Variants in DOCK11 observed in about 807,000 individuals in gnomAD.
DOCK11 encodes the protein dedicator of cytokinesis protein 11.
DOCK11 carries 70 observed loss-of-function variants against 169.1 expected under a neutral mutation model. The observed-to-expected ratio is 0.41, with a 90% CI of 0.34 to 0.51. The LOEUF is 0.51. DOCK11 is among the 20% of genes least tolerant of loss of function. The pLI is 0.10. For synonymous variants in DOCK11, 529 were observed against 541.3 expected (o/e 0.98, Z 0.32); for missense variants, 1,166 against 1,538.8 (o/e 0.76, Z 4.05).
At chrX:118,639,164 A>G (rs993884300) in intron 37 of DOCK11, among the ~76,000 whole-genome samples, 7 of 111,739 alleles carry the variant, frequency 6.3e-5, no homozygotes, top group African/African-American at 2.3e-4. Flanking sequence ...CTGTGAAAAG[A>G]TTAAATCTTA....
intron 14 of DOCK11, among the ~76,000 whole-genome samples, chrX:118,582,449 G>A (rs977959202): frequency 9.0e-6 from 1 of 111,368 alleles, no homozygotes; most frequent in African/African-American, 3.3e-5. Context: ...AGTCTTCAAA[G>A]TTAGAAGCTT....
intron 44 of DOCK11, 149 bp downstream of exon 44, chrX:118,655,110 T>C (rs954221173): frequency 5.7e-6 from 3 of 529,795 alleles, no homozygotes; most frequent in Non-Finnish European, 9.0e-6. Flanking sequence ...TAAGCTGTTA[T>C]AAAAGAAGAC....
intron 31 of DOCK11, among the ~76,000 whole-genome samples, chrX:118,619,607 T>C (rs2014918759): frequency 9.2e-6 from 1 of 109,121 alleles, no homozygotes; most frequent in African/African-American, 3.3e-5. Context: ...TTAAAAAATT[T>C]ATTCTGTGAA....
At chrX:118,636,858 C>T (rs966297505) in intron 36 of DOCK11, among the ~76,000 whole-genome samples, 5 of 111,765 alleles carry the variant, frequency 4.5e-5, no homozygotes, top group Non-Finnish European at 9.4e-5. Context: ...CACACACACA[C>T]ACACACGTGT....
intron 35 of DOCK11, among the ~76,000 whole-genome samples, chrX:118,635,003 C>T (rs1244660673): frequency 8.9e-6 from 1 of 112,254 alleles, no homozygotes; most frequent in Non-Finnish European, 1.9e-5. Context: ...GGATTACAGG[C>T]GTGACCCACT....
chrX:118,507,317 G>A (rs2057620094), intron 1 of DOCK11, among the ~76,000 whole-genome samples: 1 of 111,540 alleles, frequency 9.0e-6, no homozygotes, highest in Non-Finnish European at 1.9e-5. Flanking sequence ...ATCTTTATTT[G>A]AAGTGTTTCA....
At chrX:118,506,180 AG>A (rs2057610321) in intron 1 of DOCK11, among the ~76,000 whole-genome samples, 1 of 109,011 alleles carries the variant, frequency 9.2e-6, no homozygotes, top group Non-Finnish European at 1.9e-5. Flanking sequence ...CCTTGAGCCC[AG>A]GAGTTCGAGG....
intron 1 of DOCK11, among the ~76,000 whole-genome samples, chrX:118,525,822 G>C (rs867655271): frequency 6.7e-5 from 6 of 89,649 alleles, no homozygotes; most frequent in Admixed American, 1.4e-4. Flanking sequence ...AAACAGAAAA[G>C]GAAAAAAAAA....
chrX:118,655,043 T>G (rs1359428732), intron 44 of DOCK11, 82 bp downstream of exon 44: 1 of 922,148 alleles, frequency 1.1e-6, no homozygotes, highest in African/African-American at 2.0e-5. Flanking sequence ...GCTATGAATA[T>G]GATATAATAG....
At chrX:118,643,354 A>G in intron 39 of DOCK11, 103 bp from the exon 40 acceptor site, 1 of 861,432 alleles carries the variant, frequency 1.2e-6, no homozygotes, top group Non-Finnish European at 1.6e-6. Context: ...AGAGCCTTTT[A>G]TTTTCCTGAA....
chrX:118,645,019 A>G (rs946256387), intron 40 of DOCK11, among the ~76,000 whole-genome samples: 3 of 112,142 alleles, frequency 2.7e-5, no homozygotes, highest in African/African-American at 9.7e-5. Flanking sequence ...GAAGGATCAA[A>G]GGCAGATGAG....
At chrX:118,528,067 T>C (rs2011417547) in intron 1 of DOCK11, among the ~76,000 whole-genome samples, 1 of 112,828 alleles carries the variant, frequency 8.9e-6, no homozygotes, top group South Asian at 3.6e-4. Context: ...CATCGGACTA[T>C]GCAAATTGAT....
At chrX:118,647,767 A>T (rs1188314591) in intron 40 of DOCK11, among the ~76,000 whole-genome samples, 2 of 40,715 alleles carry the variant, frequency 4.9e-5, no homozygotes, top group African/African-American at 2.7e-4. Flanking sequence ...ATAATATATT[A>T]TAATATATAA....
intron 6 of DOCK11, among the ~76,000 whole-genome samples, chrX:118,555,975 A>G (rs1465139486): frequency 9.0e-6 from 1 of 111,409 alleles, no homozygotes; most frequent in Admixed American, 9.5e-5. Flanking sequence ...CCCTCTAGGT[A>G]ACACACAATA....
chrX:118,610,997 C>T (rs1398923610), intron 28 of DOCK11, among the ~76,000 whole-genome samples: 1 of 111,568 alleles, frequency 9.0e-6, no homozygotes, highest in Non-Finnish European at 1.9e-5. Context: ...CGAAATCACA[C>T]CACTGCACTC....
chrX:118,601,018 G>T (rs1393769372), intron 23 of DOCK11, among the ~76,000 whole-genome samples: 2 of 111,484 alleles, frequency 1.8e-5, no homozygotes, highest in African/African-American at 6.5e-5. Flanking sequence ...ATGTGACTTT[G>T]GTTTTTAAAG....
At chrX:118,608,403 CTT>C in intron 26 of DOCK11, 47 bp downstream of exon 26, 2 of 1,135,467 alleles carry the variant, frequency 1.8e-6, no homozygotes, top group Non-Finnish European at 2.3e-6. Context: ...CATAGACACA[CTT>C]TTTTTGATAC....
chrX:118,639,648 G>A, intron 38 of DOCK11, 71 bp downstream of exon 38: 1 of 1,060,006 alleles, frequency 9.4e-7, no homozygotes, highest in Non-Finnish European at 1.3e-6. Flanking sequence ...AAAAACTGAA[G>A]GTGATGGATA....
intron 16 of DOCK11, among the ~76,000 whole-genome samples, chrX:118,587,725 T>C (rs1264377289): frequency 8.9e-6 from 1 of 112,097 alleles, no homozygotes; most frequent in African/African-American, 3.2e-5. Flanking sequence ...AAAAAGTGAC[T>C]TGCCATGAAC....
Sources: gnomAD v4.1 joint callset for allele counts (sites outside exome capture counted in the v4.1 genomes callset) on GRCh38, gnomAD v4.1.1 for gene constraint, MANE v1.5 for transcripts, NCBI Gene and HGNC (gene_info 2026-07-23, HGNC 2026-07-21) for gene names.